The following MED13 variants were observed in gnomAD, a reference collection of about 807,000 sequenced individuals.
MED13 encodes mediator of RNA polymerase II transcription subunit 13.
MED13 carries 23 observed loss-of-function variants against 225.2 expected under a neutral mutation model. The observed-to-expected ratio is 0.10, with a 90% CI of 0.07 to 0.14. MED13 has a LOEUF of 0.14. MED13 is among the 10% of genes least tolerant of loss of function. The pLI is 1.00. For synonymous variants in MED13, 942 were observed against 889.2 expected, an observed-to-expected ratio of 1.06 and a Z score of -1.06; for missense variants, 2,197 against 2,594.5, an observed-to-expected ratio of 0.85 and a Z score of 3.33.
chr17:62,033,016 G>A (rs907987312), intron 5 of MED13, among the ~76,000 whole-genome samples: 3 of 152,060 alleles, frequency 2.0e-5, no homozygotes, highest in Non-Finnish European at 2.9e-5. Context: ...TGGGCATGGT[G>A]GCATGCGCCT....
chr17:61,958,186 G>T (rs1466179213), intron 23 of MED13, among the ~76,000 whole-genome samples: 3 of 151,472 alleles, frequency 2.0e-5, no homozygotes, highest in East Asian at 3.9e-4. Context: ...TTATTTTTTT[G>T]ACACGGAGTC....
chr17:62,022,538 G>A (rs1834925304), intron 8 of MED13, among the ~76,000 whole-genome samples: 1 of 151,428 alleles, frequency 6.6e-6, no homozygotes, highest in African/African-American at 2.4e-5. Context: ...TGAACTCCTG[G>A]CCCCAAGCAA....
At chr17:62,035,673 C>A (rs1187903900) in intron 3 of MED13, 65 bp from the exon 4 acceptor site, 1 of 1,483,848 alleles carries the variant, frequency 6.7e-7, no homozygotes, top group Non-Finnish European at 9.0e-7. Flanking sequence ...ACTTGCTTTT[C>A]TTTATTAGGA....
intron 3 of MED13, 60 bp from the exon 4 acceptor site, chr17:62,035,668 C>T: frequency 1.3e-6 from 2 of 1,504,538 alleles, no homozygotes; most frequent in Admixed American, 4.6e-5. Flanking sequence ...TGTTAACTTG[C>T]TTTTCTTTAT....
At chr17:62,037,262 A>G (rs968155401) in intron 3 of MED13, among the ~76,000 whole-genome samples, 1 of 151,978 alleles carries the variant, frequency 6.6e-6, no homozygotes, top group South Asian at 2.1e-4. Flanking sequence ...AAAAACATAT[A>G]AGTAAATAAA....
chr17:61,966,918 T>C (rs1261577640), intron 18 of MED13, among the ~76,000 whole-genome samples: 1 of 152,088 alleles, frequency 6.6e-6, no homozygotes. Flanking sequence ...AAAAAACACC[T>C]AGATAACAAT....
intron 8 of MED13, among the ~76,000 whole-genome samples, chr17:62,022,195 A>T (rs936417961): frequency 1.3e-4 from 19 of 146,242 alleles, no homozygotes; most frequent in Non-Finnish European, 2.4e-4. Context: ...ATATATATAT[A>T]TTCTTAAAAA....
chr17:62,059,754 C>A (rs1029568901), intron 2 of MED13, among the ~76,000 whole-genome samples: 5 of 152,180 alleles, frequency 3.3e-5, no homozygotes, highest in Non-Finnish European at 5.9e-5. Context: ...AAGAAAAGGG[C>A]AAGACAAATA....
At position 62,011,172 on chromosome 17, in the gene MED13, G is replaced by A; in HGVS notation, c.1345C>T (p.Gln449Ter). 6.2e-7 allele frequency: 1 copy of A among 1,614,152 alleles called. No homozygotes were observed. The highest frequency in any genetic ancestry group is 8.5e-7 in the Non-Finnish European group (1 of 1,180,032). The stretch of plus-strand genomic sequence containing the variant: ...TTGTGCTTAGGAAGTATTTGTTGTT[G>A]CTGACCTAAAGATGGTGCCTGTCCT... ...QQGQAPSLGQ[Q>*]QQILPKHKTN... Residue 449 changes from glutamine to a stop codon, truncating the protein, a stop_gained, in exon 9 of 30, where the codon CAA (glutamine) becomes TAA (stop). Coordinates refer to ENST00000397786, the MANE Select transcript of MED13 (RefSeq NM_005121.3). LOFTEE classifies it high-confidence loss of function.
intron 16 of MED13, among the ~76,000 whole-genome samples, chr17:61,979,868 T>G (rs923214014): frequency 6.6e-6 from 1 of 152,174 alleles, no homozygotes; most frequent in Non-Finnish European, 1.5e-5. Context: ...TGTATCGAAG[T>G]ATTTGATAGA....
chr17:62,062,744 A>C (rs1176933047), intron 2 of MED13, among the ~76,000 whole-genome samples: 1 of 152,120 alleles, frequency 6.6e-6, no homozygotes, highest in African/African-American at 2.4e-5. Flanking sequence ...CTATTACACG[A>C]CTTTGTTAGG....
chr17:62,052,607 T>C lies in MED13; in HGVS notation c.400A>G (p.Arg134Gly), dbSNP rs2143759747. The C allele has an allele frequency of 1.2e-6, 2 of 1,602,476 alleles. No individual in the cohort carries two copies. Among genetic ancestry groups the C allele is most frequent in the South Asian group, 1.1e-5 (1 of 88,330 alleles). ...HNLLERCLMN[R>G]NFVRIGKWFV... ...CACTTGCCAATACGTACAAAATTCC[T>C]GTTCATTAAACACCGTTCCAATAGA... Residue 134 changes from arginine (R) to glycine (G), a missense_variant, in exon 3 of 30, where the codon AGG becomes GGG. Physicochemically the swap from Arg to Gly is moderately radical, Grantham distance 125. This residue lies in a region of MED13 where 884 missense variants were observed against 918.5 expected (regional missense o/e 0.96). Coordinates refer to ENST00000397786, the MANE Select transcript of MED13 (RefSeq NM_005121.3).
chr17:61,970,726 G>GTTT (rs10685140), intron 17 of MED13, among the ~76,000 whole-genome samples: 49 of 109,560 alleles, frequency 4.5e-4, no homozygotes, highest in African/African-American at 1.2e-3. Flanking sequence ...AGTTATTTAG[G>GTTT]TTTTTTTTTT....
At chr17:61,966,389 C>G (rs181548823) in intron 19 of MED13, 73 bp downstream of exon 19, 15 of 1,205,272 alleles carry the variant, frequency 1.2e-5, no homozygotes, top group Admixed American at 4.8e-5. Flanking sequence ...AAAATTTTAT[C>G]TACAAAAACA....
At position 62,033,856 on chromosome 17, in the gene MED13, TCTC is replaced by T. The variant is rs771111937; in HGVS notation, c.742_744del (p.Glu248del). The T allele has an allele frequency of 1.2e-6, 2 of 1,614,088 alleles. No homozygotes were observed. Among genetic ancestry groups the T allele is most frequent in the Non-Finnish European group, 1.7e-6 (2 of 1,180,000 alleles). ...ATATCTTCCTGTTTTTCTTCAGACA[TCTC>T]CTTCAAGCAACATGAGATAGGATAG... is the stretch of plus-strand genomic sequence containing the variant. On this transcript the variant is annotated inframe_deletion, in exon 5 of 30. Transcript: ENST00000397786.
intron 27 of MED13, among the ~76,000 whole-genome samples, 162 bp from the exon 28 acceptor site, chr17:61,951,160 A>C (rs565978410): frequency 3.9e-5 from 6 of 152,348 alleles, no homozygotes; most frequent in Admixed American, 1.3e-4. Flanking sequence ...TGTACTTAGG[A>C]GTATTATAAG....
At chr17:62,015,699 G>A (rs533517369) in intron 8 of MED13, among the ~76,000 whole-genome samples, 19 of 146,446 alleles carry the variant, frequency 1.3e-4, no homozygotes, top group African/African-American at 4.5e-4. Flanking sequence ...TCAGCCTCCC[G>A]AGTAGCTGGG....
At chr17:61,958,057 G>A (rs1184229209) in intron 23 of MED13, among the ~76,000 whole-genome samples, 7 of 151,054 alleles carry the variant, frequency 4.6e-5, no homozygotes, top group Non-Finnish European at 8.9e-5. Flanking sequence ...GTAGAGATGG[G>A]GTTTCACTGT....
chr17:61,962,827 T>C lies in MED13; in HGVS notation c.4989A>G (p.Thr1663=), dbSNP rs1173784952. The stretch of plus-strand genomic sequence containing the variant: ...CTAGAAAGCATCGAAGTAGCCCCAA[T>C]GTCCACACACTAGAAGAGTTAGTGC... The part of the protein sequence containing the change: ...DESTNSSSVW[T]LGLLRCFLEM... Residue 1663 remains threonine (T), a synonymous_variant, in exon 21 of 30, where the codon ACA becomes ACG. Coordinates refer to ENST00000397786, the MANE Select transcript of MED13 (RefSeq NM_005121.3). The C allele has an allele frequency of 2.5e-6, 4 of 1,614,106 alleles. No homozygotes were observed. Among genetic ancestry groups the C allele is most frequent in the Middle Eastern group, 1.6e-4 (1 of 6,062 alleles).
Sources: gnomAD v4.1 joint callset for allele counts (sites outside exome capture counted in the v4.1 genomes callset) on GRCh38, gnomAD v4.1.1 for gene constraint, gnomAD v4.1.1 regional missense constraint, MANE v1.5 for transcripts, NCBI Gene and HGNC (gene_info 2026-07-23, HGNC 2026-07-21) for gene names.